Variants in NFILZ observed in about 807,000 individuals in gnomAD.
NFILZ encodes the protein NFIL3 like basic leucine zipper, also known as NFIL3 like protein.
intron 2 of NFILZ, among the ~76,000 whole-genome samples, chr19:8,633,252 C>A (rs1555745752): frequency 6.6e-6 from 1 of 152,042 alleles, no homozygotes; most frequent in Admixed American, 6.6e-5. Flanking sequence ...GGATTCCTGA[C>A]CTAAGGCGAT....
chr19:8,640,294 A>G (rs955847026), intron 3 of NFILZ, among the ~76,000 whole-genome samples: 8 of 145,916 alleles, frequency 5.5e-5, no homozygotes, highest in African/African-American at 1.8e-4. Context: ...CAATGTAGCA[A>G]GAACCTATTG....
Position 8,653,025 on chromosome 19 carries a change from TTTC to T in NFILZ, c.-164+17282_-164+17284del, listed in dbSNP as rs1568420464. On this transcript the variant is annotated intron_variant, in intron 3 of 5. Coordinates refer to ENST00000691075, the MANE Select transcript of NFILZ (RefSeq NM_001378600.1). Reference sequence around the variant, plus strand: ...CTTCCTTCCTTCCTTTCTTTCTTTCTTTCTTTCTTTCTTTCTCTCTCTCTCTCT... The same window carrying T: ...CTTCCTTCCTTCCTTTCTTTCTTTCTTTTCTTTCTTTCTCTCTCTCTCTCT... Among the ~76,000 whole-genome samples the T allele has an allele frequency of 3.8e-4, 25 of 65,070 alleles. No homozygotes were observed. The East Asian group carries it at 6.6e-3, about 17-fold the overall frequency. 42.7% of individuals were successfully genotyped at this position (65,070 alleles called of 152,430 possible). A position where few individuals can be genotyped will look rare whatever the true frequency, so the allele number is the denominator to read the frequency against.
chr19:8,633,116 G>A (rs1281465157), intron 2 of NFILZ, among the ~76,000 whole-genome samples: 3 of 149,904 alleles, frequency 2.0e-5, no homozygotes, highest in Non-Finnish European at 4.4e-5. Context: ...TGCCTCCTGG[G>A]TTCAAGGGAT....
chr19:8,641,401 C>T (rs2042918543), intron 3 of NFILZ, among the ~76,000 whole-genome samples: 1 of 152,166 alleles, frequency 6.6e-6, no homozygotes, highest in African/African-American at 2.4e-5. Context: ...TTTAGGAATT[C>T]ACCCAAATCT....
In NFILZ at chr19:8,678,151, G is replaced by GTCCGTCCA. The variant is rs1555750998; in HGVS notation, c.*519_*520insGTCCATCC. On this transcript the variant is annotated 3_prime_UTR_variant, in exon 6 of 6. Coordinates refer to ENST00000691075, the MANE Select transcript of NFILZ (RefSeq NM_001378600.1). Reference sequence around the variant, plus strand: ...CCTCCATCCATTCATCCACTTGTCCGTCCATCCATCCATCCATCCATCCAT... The same window carrying GTCCGTCCA: ...CCTCCATCCATTCATCCACTTGTCCGTCCGTCCATCCATCCATCCATCCATCCATCCAT... Among the ~76,000 whole-genome samples, 1 of 49,040 alleles carries GTCCGTCCA rather than the reference G, an allele frequency of 2.0e-5. No individual in the cohort carries two copies. The allele number at this position is 49,040 out of a possible 152,430, so 32.2% of individuals were successfully genotyped here.
rs1019983030 is a variant in NFILZ at position 8,677,645 on chromosome 19, C to T, written c.*10C>T. ...TCAGGCGCCCCTCTGAGGGCTTCCT[C>T]TGGGAAGGGCTAGGCTTGCAAGGGG... is the stretch of plus-strand genomic sequence containing the variant. On this transcript the variant is annotated 3_prime_UTR_variant, in exon 6 of 6. Coordinates refer to ENST00000691075, the MANE Select transcript of NFILZ (RefSeq NM_001378600.1). 1.3e-5 allele frequency: 2 copies of T among 152,248 alleles called. No individual in the cohort carries two copies. Among genetic ancestry groups the T allele is most frequent in the Non-Finnish European group, 2.9e-5 (2 of 68,094 alleles). 9.4% of individuals were successfully genotyped at this position (152,248 alleles called of 1,614,324 possible). A position where few individuals can be genotyped will look rare whatever the true frequency, so the allele number is the denominator to read the frequency against.
At chr19:8,655,211 G>A (rs1555748201) in intron 3 of NFILZ, among the ~76,000 whole-genome samples, 1 of 152,174 alleles carries the variant, frequency 6.6e-6, no homozygotes, top group African/African-American at 2.4e-5. Flanking sequence ...GCCATAGAGG[G>A]TGTTTGAGCA....
chr19:8,647,314 G>A (rs2042943025), intron 3 of NFILZ, among the ~76,000 whole-genome samples: 1 of 152,214 alleles, frequency 6.6e-6, no homozygotes, highest in South Asian at 2.1e-4. Context: ...GCTCATGCCT[G>A]TAATCCCAGC....
At chr19:8,653,573 G>T (rs1555748010) in intron 3 of NFILZ, among the ~76,000 whole-genome samples, 1 of 152,138 alleles carries the variant, frequency 6.6e-6, no homozygotes, top group South Asian at 2.1e-4. Flanking sequence ...GAACCAACCG[G>T]TGTGGCCATC....
At chr19:8,661,842 G>T (rs942399057) in intron 3 of NFILZ, among the ~76,000 whole-genome samples, 21 of 152,080 alleles carry the variant, frequency 1.4e-4, no homozygotes, top group African/African-American at 5.1e-4. Flanking sequence ...CAGAGATCGC[G>T]CCACTGTAAT....
chr19:8,641,978 A>T (rs1032207183), intron 3 of NFILZ, among the ~76,000 whole-genome samples: 5 of 152,046 alleles, frequency 3.3e-5, no homozygotes, highest in Non-Finnish European at 7.4e-5. Context: ...ACAGATGTGC[A>T]CCATCATGCC....
chr19:8,652,715 C>T (rs943247703), intron 3 of NFILZ, among the ~76,000 whole-genome samples: 35 of 152,098 alleles, frequency 2.3e-4, no homozygotes, highest in Admixed American at 2.0e-3. Context: ...ACATAAAATA[C>T]GATTATATCA....
At chr19:8,647,574 G>GCC (rs1412574201) in intron 3 of NFILZ, among the ~76,000 whole-genome samples, 2 of 138,694 alleles carry the variant, frequency 1.4e-5, no homozygotes, top group African/African-American at 2.6e-5. Flanking sequence ...TTCTGTCCCC[G>GCC]CACCCCCCCC....
intron 3 of NFILZ, among the ~76,000 whole-genome samples, chr19:8,651,688 T>A (rs2042965567): frequency 6.6e-6 from 1 of 152,022 alleles, no homozygotes; most frequent in African/African-American, 2.4e-5. Context: ...TGTGCCACCA[T>A]GCCTGGCTAA....
At chr19:8,661,383 T>G (rs2043031414) in intron 3 of NFILZ, among the ~76,000 whole-genome samples, 2 of 151,890 alleles carry the variant, frequency 1.3e-5, no homozygotes, top group South Asian at 4.2e-4. Flanking sequence ...CCATATTTTC[T>G]TTATCACTTC....
At chr19:8,640,511 G>A (rs2042914793) in intron 3 of NFILZ, among the ~76,000 whole-genome samples, 1 of 152,032 alleles carries the variant, frequency 6.6e-6, no homozygotes. Flanking sequence ...CAATGGCTGT[G>A]AGCAGCAGAA....
chr19:8,631,972 C>A (rs558237865), intron 1 of NFILZ, among the ~76,000 whole-genome samples: 1 of 151,860 alleles, frequency 6.6e-6, no homozygotes, highest in South Asian at 2.1e-4. Context: ...CGGGTTCAAG[C>A]AATTCTTTCG....
intron 2 of NFILZ, among the ~76,000 whole-genome samples, chr19:8,633,679 C>T (rs1329620847): frequency 1.4e-4 from 22 of 152,196 alleles, no homozygotes; most frequent in African/African-American, 5.1e-4. Context: ...CCTTCCTGCC[C>T]CCTCTGAAGA....
At chr19:8,634,777 G>A (rs2042886918) in intron 2 of NFILZ, among the ~76,000 whole-genome samples, 2 of 152,206 alleles carry the variant, frequency 1.3e-5, no homozygotes, top group South Asian at 4.1e-4. Flanking sequence ...CTAATTGGGA[G>A]GCTAAGGTGG....
Sources: allele counts gnomAD v4.1 joint callset (sites outside exome capture counted in the v4.1 genomes callset), GRCh38; gene constraint gnomAD v4.1.1; transcripts MANE v1.5; gene names NCBI Gene and HGNC (gene_info 2026-07-23, HGNC 2026-07-21).